The following UBE2D4 variants were observed in gnomAD, a reference collection of about 807,000 sequenced individuals.
UBE2D4 encodes ubiquitin-conjugating enzyme E2 D4.
In UBE2D4, 17 loss-of-function variants were observed where a neutral mutation model predicts 23.0. The observed-to-expected ratio is 0.74, with a 90% CI of 0.51 to 1.11. The LOEUF (loss-of-function observed/expected upper bound fraction) is 1.11, where lower values mean the gene tolerates loss of function less well. Ranked by LOEUF, UBE2D4 falls within the 50% of genes least tolerant of loss-of-function variation. UBE2D4 has a pLI of 0.00. For synonymous variants in UBE2D4, 61 were observed against 69.4 expected (o/e 0.88, Z 0.60); for missense variants, 139 against 181.8 (o/e 0.76, Z 1.35).
rs2096005541 is a variant in UBE2D4 at position 43,952,674 on chromosome 7, GACA to G, written c.424_426del (p.Thr142del). 1 of 1,613,762 alleles carries G rather than the reference GACA, an allele frequency of 6.2e-7. No homozygotes were observed. Among genetic ancestry groups the G allele is most frequent in the Non-Finnish European group, 8.5e-7 (1 of 1,179,860 alleles). ...GGTACAACAGACTAGCAAGAGAGTG[GACA>G]CAAAAATATGCTATGTAAGTGCCTT... On this transcript the variant is annotated inframe_deletion, in exon 7 of 7. Coordinates refer to ENST00000222402, the MANE Select transcript of UBE2D4 (RefSeq NM_015983.4).
At chr7:43,928,159 C>T (rs953593721) in intron 1 of UBE2D4, 21 of 392,412 alleles carry the variant, frequency 5.4e-5, no homozygotes, top group African/African-American at 4.0e-4. Context: ...ACACCCAGAT[C>T]TCACATGAAC....
chr7:43,932,831 A>G (rs1169820636), intron 1 of UBE2D4, among the ~76,000 whole-genome samples: 1 of 150,782 alleles, frequency 6.6e-6, no homozygotes, highest in Admixed American at 6.6e-5. Flanking sequence ...TAAAAAAATA[A>G]TAATAGAAAA....
At chr7:43,928,621 G>A (rs1269908838) in intron 1 of UBE2D4, among the ~76,000 whole-genome samples, 1 of 152,156 alleles carries the variant, frequency 6.6e-6, no homozygotes, top group Non-Finnish European at 1.5e-5. Flanking sequence ...TGAAGGTTCA[G>A]TAGAGGCTTT....
chr7:43,940,786 A>G (rs2095970276), intron 2 of UBE2D4: 1 of 152,260 alleles, frequency 6.6e-6, no homozygotes, highest in Non-Finnish European at 1.5e-5. Flanking sequence ...TATATTATCA[A>G]AACACTTTTA....
chr7:43,935,935 AC>A (rs1351866827), intron 1 of UBE2D4, among the ~76,000 whole-genome samples: 5 of 152,080 alleles, frequency 3.3e-5, no homozygotes, highest in African/African-American at 9.7e-5. Context: ...CTCCCAAAAG[AC>A]CCCAGATGCT....
At chr7:43,929,425 T>TAA (rs567859682) in intron 1 of UBE2D4, among the ~76,000 whole-genome samples, 55 of 123,916 alleles carry the variant, frequency 4.4e-4, no homozygotes, top group East Asian at 3.6e-3. Context: ...GACTCTGTCT[T>TAA]AAAAAAAAAA....
rs1327074885 is a variant in UBE2D4, at chr7:43,944,199, C to T, written c.198+1168C>T. 2.0e-5 allele frequency: 3 copies of T among 152,210 alleles called. No homozygotes were observed. The highest frequency in any genetic ancestry group is 2.9e-5 in the Non-Finnish European group (2 of 68,078). The allele number at this position is 152,210 out of a possible 1,614,324, so 9.4% of individuals were successfully genotyped here. On this transcript the variant is annotated intron_variant, in intron 4 of 6. Transcript: ENST00000222402. This position sits in a 1 kb window ranked among gnomAD's most constrained non-coding sequence, Gnocchi z 4.0. ...CCTCCTGAGTAGCTGGGACTACAGG[C>T]ACTCGCCACCACATGTGGCTAATTT... is the stretch of plus-strand genomic sequence containing the variant.
At chr7:43,931,622 G>GT (rs1489979448) in intron 1 of UBE2D4, among the ~76,000 whole-genome samples, 1 of 140,434 alleles carries the variant, frequency 7.1e-6, no homozygotes, top group African/African-American at 2.6e-5. Context: ...GGGGGGCGGG[G>GT]GGGGTGGCAG....
At chr7:43,933,009 T>TA (rs1562597653) in intron 1 of UBE2D4, among the ~76,000 whole-genome samples, 1 of 129,008 alleles carries the variant, frequency 7.8e-6, no homozygotes, top group Non-Finnish European at 1.6e-5. Context: ...TATATATATA[T>TA]ATATACACAC....
chr7:43,941,984 G>A (rs556639554), intron 2 of UBE2D4: 1 of 152,266 alleles, frequency 6.6e-6, no homozygotes, highest in African/African-American at 2.4e-5. Flanking sequence ...CGATCTGTAA[G>A]ATACCATACC....
chr7:43,940,855 C>T (rs1207817619), intron 2 of UBE2D4: 1 of 151,364 alleles, frequency 6.6e-6, no homozygotes, highest in Non-Finnish European at 1.5e-5. Context: ...TTTCAACTAA[C>T]GATTAGCATG....
chr7:43,926,621 G>A (rs1359991525), intron 1 of UBE2D4, 65 bp downstream of exon 1: 2 of 1,494,912 alleles, frequency 1.3e-6, no homozygotes, highest in Admixed American at 2.4e-5. Flanking sequence ...GCGGGGCGCC[G>A]CTGCCGTGAA....
At chr7:43,933,367 A>C (rs576259021) in intron 1 of UBE2D4, among the ~76,000 whole-genome samples, 2 of 152,148 alleles carry the variant, frequency 1.3e-5, no homozygotes, top group Admixed American at 6.6e-5. Context: ...ACTAATTTTC[A>C]GTGGCTGCAT....
intron 1 of UBE2D4, among the ~76,000 whole-genome samples, chr7:43,935,189 T>C (rs1192411134): frequency 6.6e-6 from 1 of 152,168 alleles, no homozygotes; most frequent in African/African-American, 2.4e-5. Flanking sequence ...GAGGGGAAAA[T>C]ATCAGTTACG....
intron 2 of UBE2D4, among the ~76,000 whole-genome samples, chr7:43,940,733 T>TA (rs2095970068): frequency 6.6e-6 from 1 of 152,242 alleles, no homozygotes; most frequent in Non-Finnish European, 1.5e-5. Flanking sequence ...CCCTCAGGGT[T>TA]AAAGTGAACA....
intron 1 of UBE2D4, among the ~76,000 whole-genome samples, chr7:43,935,654 A>G (rs1264203980): frequency 6.6e-6 from 1 of 152,194 alleles, no homozygotes; most frequent in Non-Finnish European, 1.5e-5. Context: ...GGTTCAATGG[A>G]GAGCTTTAAT....
chr7:43,928,580 AAGT>A (rs1479120615), intron 1 of UBE2D4, among the ~76,000 whole-genome samples: 1 of 152,160 alleles, frequency 6.6e-6, no homozygotes, highest in Non-Finnish European at 1.5e-5. Flanking sequence ...GTGTGGCCGG[AAGT>A]GGGACAGAGG....
intron 4 of UBE2D4, 127 bp from the exon 5 acceptor site, chr7:43,948,505 C>T: frequency 7.7e-6 from 5 of 650,668 alleles, no homozygotes; most frequent in Non-Finnish European, 8.3e-6. Context: ...CTGGCTTAGC[C>T]TGCACTGTGG....
chr7:43,927,735 T>C (rs567690123), intron 1 of UBE2D4, among the ~76,000 whole-genome samples: 1 of 152,356 alleles, frequency 6.6e-6, no homozygotes, highest in South Asian at 2.1e-4. Flanking sequence ...AGGTCACTTA[T>C]AGTGGGACCT....
Sources: gnomAD v4.1 joint callset for allele counts (sites outside exome capture counted in the v4.1 genomes callset) on GRCh38, gnomAD v4.1.1 for gene constraint, Gnocchi (gnomAD v3.1) non-coding constraint, MANE v1.5 for transcripts, NCBI Gene and HGNC (gene_info 2026-07-23, HGNC 2026-07-21) for gene names.